The following IRS2 variants were observed in gnomAD, a reference collection of about 807,000 sequenced individuals.
IRS2 encodes the protein insulin receptor substrate 2.
In IRS2, 28 loss-of-function variants were observed where a neutral mutation model predicts 70.9. The ratio of observed to expected loss-of-function variants is 0.39; its 90% CI spans 0.29 to 0.54. The LOEUF is 0.54. Among genes scored for constraint, IRS2 ranks in the 20% least tolerant of loss-of-function variants. IRS2 has a pLI of 0.59. For missense variants in IRS2, 2,081 were observed against 2,024.1 expected (o/e 1.03, Z -0.54); for synonymous variants, 1,217 against 981.9 (o/e 1.24, Z -4.48).
intron 1 of IRS2, among the ~76,000 whole-genome samples, chr13:109,777,417 C>T (rs976258135): frequency 9.7e-4 from 148 of 152,202 alleles, no homozygotes; most frequent in Non-Finnish European, 1.9e-4. Context: ...AAGTTCTTCT[C>T]TTCAGAAAAA....
In IRS2 at chr13:109,754,607, T is replaced by C. The variant is rs1877063626; in HGVS notation, c.*1697A>G. 1 of 200,022 alleles carries C rather than the reference T, an allele frequency of 5.0e-6. No homozygotes were observed. Among genetic ancestry groups the C allele is most frequent in the South Asian group, 1.9e-4 (1 of 5,232 alleles). The allele number at this position is 200,022 out of a possible 1,614,324, so 12.4% of individuals were successfully genotyped here. A position where few individuals can be genotyped will look rare whatever the true frequency, so the allele number is the denominator to read the frequency against. On this transcript the variant is annotated 3_prime_UTR_variant, in exon 2 of 2. Coordinates refer to ENST00000375856, the MANE Select transcript of IRS2 (RefSeq NM_003749.3). ...ATGGCCTATGCACTGCTGTGATGTA[T>C]AATTTCAGAAAAGTAAAACCTTAAA...
In IRS2 at chr13:109,784,596, G is replaced by A. The variant is rs1877853685; in HGVS notation, c.1458C>T (p.Ala486=). 1.5e-6 allele frequency: 2 copies of A among 1,354,856 alleles called. No individual in the cohort carries two copies. The highest frequency in any genetic ancestry group is 1.9e-6 in the Non-Finnish European group (2 of 1,059,114). The allele number at this position is 1,354,856 out of a possible 1,614,324, so 83.9% of individuals were successfully genotyped here. Residue 486 remains alanine (A), a synonymous_variant, in exon 1 of 2, where the codon GCC becomes GCT. Coordinates refer to ENST00000375856, the MANE Select transcript of IRS2 (RefSeq NM_003749.3). The surrounding 1 kb of genome is among the most constrained non-coding windows in gnomAD (Gnocchi z 5.2). ...GGTCGCTGGGGGAGCCCGAGGCGGA[G>A]GCGCTGCCGCTGGAGGGCCGCTGGC... is the stretch of plus-strand genomic sequence containing the variant. ...GPGQRPSSGS[A]SASGSPSDPG... is the part of the protein sequence containing the mutation.
At chr13:109,758,822 T>C (rs1324263606) in intron 1 of IRS2, among the ~76,000 whole-genome samples, 1 of 73,872 alleles carries the variant, frequency 1.4e-5, no homozygotes, top group East Asian at 3.6e-4. Flanking sequence ...TGGGGGAAGA[T>C]GGCTGACAAA....
intron 1 of IRS2, among the ~76,000 whole-genome samples, chr13:109,768,219 T>C (rs1877378084): frequency 6.6e-6 from 1 of 152,222 alleles, no homozygotes; most frequent in African/African-American, 2.4e-5. Flanking sequence ...TCTTTCACCA[T>C]TAGTTTTCTA....
In IRS2 at chr13:109,783,863, A is replaced by G. The variant is rs1877814800; in HGVS notation, c.2191T>C (p.Ser731Pro). The change falls in exon 1 of 2, where the codon TCG (serine) becomes CCG (proline). Residue 731 changes from serine to proline, a missense_variant. By Grantham distance (74) the Ser-to-Pro change is moderately conservative (BLOSUM62 -1). Coordinates refer to ENST00000375856, the MANE Select transcript of IRS2 (RefSeq NM_003749.3). ...TCCTCGGGGGAGCTCTCGGCGGGCG[A>G]GCTGGCCTTGTAGCCGCCCCCGCTC... ...PASGGGYKAS[S>P]PAESSPEDSG... 2 of 1,554,942 alleles carry G rather than the reference A, an allele frequency of 1.3e-6. No individual in the cohort carries two copies. Among genetic ancestry groups the G allele is most frequent in the African/African-American group, 2.7e-5 (2 of 73,276 alleles).
Position 109,782,957 on chromosome 13 carries a change from G to C in IRS2, c.3097C>G (p.Pro1033Ala). Residue 1033 changes from proline (P) to alanine (A), a missense_variant, in exon 1 of 2, where the codon CCA becomes GCA. By Grantham distance (27) the Pro-to-Ala change is conservative (BLOSUM62 -1). Transcript: ENST00000375856. Reference sequence around the variant, plus strand: ...AGCTCCCCCGGGGCCGGCGGCGGTGGCGGCGGCTGCAGAGACGACGACGGG... The same window carrying C: ...AGCTCCCCCGGGGCCGGCGGCGGTGCCGGCGGCTGCAGAGACGACGACGGG... ...ASPSSSLQPPPPPPAPGELYR... is the reference protein window; with the variant it reads ...ASPSSSLQPPAPPPAPGELYR... The C allele has an allele frequency of 2.1e-6, 3 of 1,416,330 alleles. No homozygotes were observed. Among genetic ancestry groups the C allele is most frequent in the Non-Finnish European group, 2.8e-6 (3 of 1,081,762 alleles). 87.7% of individuals were successfully genotyped at this position (1,416,330 alleles called of 1,614,324 possible).
intron 1 of IRS2, among the ~76,000 whole-genome samples, chr13:109,779,285 C>G (rs762325684): frequency 7.2e-5 from 11 of 152,336 alleles, no homozygotes; most frequent in Middle Eastern, 3.4e-3. Context: ...CCATGCAGAA[C>G]AGGAAGAGCT....
At chr13:109,762,003 T>C (rs1359730157) in intron 1 of IRS2, among the ~76,000 whole-genome samples, 1 of 152,182 alleles carries the variant, frequency 6.6e-6, no homozygotes, top group Non-Finnish European at 1.5e-5. Context: ...GTCTTAATCA[T>C]CCAAAACTAG....
At position 109,782,191 on chromosome 13, in the gene IRS2, CG is replaced by C; in HGVS notation, c.3862del (p.Arg1288GlufsTer43). ...AGCGCTGATGAGACCCCCGAGGCTT[CG>C]GGTCCGGCCCCAGGAGCTCTTGTCT... ...PGDKSSWGRT[R>X]SLGGLISAVG... On this transcript the variant is annotated frameshift_variant, in exon 1 of 2. Transcript: ENST00000375856. LOFTEE classifies it high-confidence loss of function. 1.9e-6 allele frequency: 3 copies of C among 1,605,712 alleles called. No individual in the cohort carries two copies. In the South Asian group the frequency reaches 3.3e-5, roughly 18 times the overall value.
chr13:109,783,450 C>A lies in IRS2; in HGVS notation c.2604G>T (p.Ser868=). The A allele has an allele frequency of 2.6e-6, 4 of 1,533,454 alleles. No individual in the cohort carries two copies. Among genetic ancestry groups the A allele is most frequent in the South Asian group, 2.4e-5 (2 of 83,614 alleles). 95.0% of individuals were successfully genotyped at this position (1,533,454 alleles called of 1,614,324 possible). A position where few individuals can be genotyped will look rare whatever the true frequency, so the allele number is the denominator to read the frequency against. The change falls in exon 1 of 2, where the codon TCG becomes TCT. Residue 868 remains serine (S), a synonymous_variant. Coordinates refer to ENST00000375856, the MANE Select transcript of IRS2 (RefSeq NM_003749.3). ...GGCGGCCGCCGCTAGGCCGCACGGG[C>A]GAAGGCACTACAGGGTGAGGGGGCT... is the stretch of plus-strand genomic sequence containing the variant. ...PTQPPHPVVP[S]PVRPSGGRPE...
At chr13:109,757,189 T>G (rs1258731243) in intron 1 of IRS2, among the ~76,000 whole-genome samples, 1 of 152,228 alleles carries the variant, frequency 6.6e-6, no homozygotes, top group Non-Finnish European at 1.5e-5. Context: ...TGGAAGATTT[T>G]GACCTTTCAC....
Position 109,755,576 on chromosome 13 carries a change from G to C in IRS2, c.*728C>G. ...CAATACAGTTGATTTTCAAAAGTAG[G>C]TTGCTTCAGTTACATATAATAATTA... is the stretch of plus-strand genomic sequence containing the variant. On this transcript the variant is annotated 3_prime_UTR_variant, in exon 2 of 2. Transcript: ENST00000375856. 1 of 204,746 alleles carries C rather than the reference G, an allele frequency of 4.9e-6. No individual in the cohort carries two copies. The highest frequency in any genetic ancestry group is 1.6e-3 in the Middle Eastern group (1 of 630). The allele number at this position is 204,746 out of a possible 1,614,324, so 12.7% of individuals were successfully genotyped here.
intron 1 of IRS2, 22 bp downstream of exon 1, chr13:109,782,020 C>T (rs533337457): frequency 6.2e-7 from 1 of 1,611,130 alleles, no homozygotes; most frequent in Admixed American, 1.7e-5. Context: ...CCGCCAGACG[C>T]CAAGGCAAAG....
chr13:109,770,794 T>G (rs1234613705), intron 1 of IRS2, among the ~76,000 whole-genome samples: 1 of 152,236 alleles, frequency 6.6e-6, no homozygotes, highest in Non-Finnish European at 1.5e-5. Flanking sequence ...ACTCTTGTGC[T>G]GACACACGCT....
In IRS2 at chr13:109,782,781, CG is replaced by C; in HGVS notation, c.3272del (p.Pro1091ArgfsTer15). On this transcript the variant is annotated frameshift_variant, in exon 1 of 2. Coordinates refer to ENST00000375856, the MANE Select transcript of IRS2 (RefSeq NM_003749.3). LOFTEE classifies it high-confidence loss of function. ...ATPPQPIAAP[P>X]KPEAARVASP... ...TGGCCACGCGGGCAGCTTCTGGCTT[CG>C]GGGGGGCCGCGATAGGTTGCGGCGG... 1.9e-6 allele frequency: 3 copies of C among 1,602,694 alleles called. No homozygotes were observed. Among genetic ancestry groups the C allele is most frequent in the Non-Finnish European group, 2.6e-6 (3 of 1,175,716 alleles).
chr13:109,765,185 G>A (rs113937915), intron 1 of IRS2, among the ~76,000 whole-genome samples: 111 of 152,292 alleles, frequency 7.3e-4, no homozygotes, highest in East Asian at 1.4e-3. Context: ...AATGCAGGCC[G>A]ACATTTAAGT....
intron 1 of IRS2, among the ~76,000 whole-genome samples, chr13:109,772,897 T>A (rs549476600): frequency 6.6e-6 from 1 of 151,638 alleles, no homozygotes; most frequent in African/African-American, 2.4e-5. Context: ...GGGTTTCACC[T>A]TGTTAGCCAG....
chr13:109,756,224 G>T lies in IRS2; in HGVS notation c.*80C>A. The T allele has an allele frequency of 8.1e-7, 1 of 1,229,470 alleles. No homozygotes were observed. Among genetic ancestry groups the T allele is most frequent in the Non-Finnish European group, 1.2e-6 (1 of 829,262 alleles). 76.2% of individuals were successfully genotyped at this position (1,229,470 alleles called of 1,614,324 possible). A position where few individuals can be genotyped will look rare whatever the true frequency, so the allele number is the denominator to read the frequency against. On this transcript the variant is annotated 3_prime_UTR_variant, in exon 2 of 2. Coordinates refer to ENST00000375856, the MANE Select transcript of IRS2 (RefSeq NM_003749.3). ...CCAAAAGAAAACTGCAAGCAGCTTC[G>T]GGCTGAAACAGTGCTGAGCGTCTTC... is the stretch of plus-strand genomic sequence containing the variant.
At chr13:109,769,984 C>G (rs894643860) in intron 1 of IRS2, among the ~76,000 whole-genome samples, 2 of 152,054 alleles carry the variant, frequency 1.3e-5, no homozygotes, top group Non-Finnish European at 2.9e-5. Context: ...TTCTTTTTTT[C>G]TGAAAACTGC....
Sources: allele counts gnomAD v4.1 joint callset (sites outside exome capture counted in the v4.1 genomes callset), GRCh38; gene constraint gnomAD v4.1.1; non-coding constraint Gnocchi (gnomAD v3.1); transcripts MANE v1.5; gene names NCBI Gene and HGNC (gene_info 2026-07-23, HGNC 2026-07-21).